The following GPC6 variants were observed in gnomAD, a reference collection of about 807,000 sequenced individuals.
GPC6 encodes glypican-6.
A neutral mutation model predicts 55.2 loss-of-function variants in GPC6; 14 were observed. The observed-to-expected ratio is 0.25, with a 90% CI of 0.17 to 0.40. GPC6 has a LOEUF of 0.40. Among genes scored for constraint, GPC6 ranks in the 10% least tolerant of loss-of-function variants. The pLI, the probability that GPC6 is intolerant of heterozygous loss-of-function variation, is 1.00. For missense variants in GPC6, 641 were observed against 708.5 expected, an observed-to-expected ratio of 0.90 and a Z score of 1.08; for synonymous variants, 278 against 259.6, an observed-to-expected ratio of 1.07 and a Z score of -0.68.
At chr13:94,306,603 T>C (rs903919591) in intron 6 of GPC6, among the ~76,000 whole-genome samples, 2 of 152,216 alleles carry the variant, frequency 1.3e-5, no homozygotes, top group Admixed American at 1.3e-4. Flanking sequence ...TTTTTTCTTT[T>C]TTATGTGTCT....
At chr13:94,090,713 A>G (rs1306392322) in intron 4 of GPC6, among the ~76,000 whole-genome samples, 1 of 152,142 alleles carries the variant, frequency 6.6e-6, no homozygotes, top group Non-Finnish European at 1.5e-5. Context: ...AATGGATATT[A>G]TTATGATGAT....
At chr13:94,215,417 C>T (rs918386000) in intron 4 of GPC6, among the ~76,000 whole-genome samples, 1 of 152,042 alleles carries the variant, frequency 6.6e-6, no homozygotes. Context: ...TAATCATTTC[C>T]TTATGTATAA....
chr13:93,692,651 C>T (rs897339556), intron 2 of GPC6, among the ~76,000 whole-genome samples: 2 of 152,034 alleles, frequency 1.3e-5, no homozygotes, highest in Non-Finnish European at 2.9e-5. Context: ...TATTTTCTCA[C>T]TCTTTTTTCA....
At chr13:93,373,628 C>CA (rs1279023724) in intron 1 of GPC6, among the ~76,000 whole-genome samples, 1 of 151,958 alleles carries the variant, frequency 6.6e-6, no homozygotes, top group East Asian at 1.9e-4. Flanking sequence ...CTCTGTAAAG[C>CA]AAAAAATATA....
At chr13:94,027,623 A>G (rs1882951454) in intron 3 of GPC6, 106 bp from the exon 4 acceptor site, 21 of 969,986 alleles carry the variant, frequency 2.2e-5, no homozygotes, top group Non-Finnish European at 3.4e-5. Context: ...AGTAATTACA[A>G]AGGGTTAAGA....
At chr13:94,068,221 A>G (rs914080258) in intron 4 of GPC6, among the ~76,000 whole-genome samples, 2 of 152,186 alleles carry the variant, frequency 1.3e-5, no homozygotes, top group Non-Finnish European at 2.9e-5. Flanking sequence ...CATGGATGGC[A>G]GCAGGCAAAG....
At chr13:94,000,535 GA>G (rs2140424158) in intron 3 of GPC6, among the ~76,000 whole-genome samples, 1 of 152,208 alleles carries the variant, frequency 6.6e-6, no homozygotes, top group East Asian at 1.9e-4. Flanking sequence ...ATATAGCAAT[GA>G]AGTGTCTCTT....
Position 94,230,418 on chromosome 13 carries a change from C to A in GPC6, c.878-55931C>A, listed in dbSNP as rs527740056. Among the ~76,000 whole-genome samples, 2 of 152,224 alleles carry A rather than the reference C, an allele frequency of 1.3e-5. 1 individual carries two copies. Among genetic ancestry groups the A allele is most frequent in the East Asian group, 3.9e-4 (2 of 5,168 alleles). Reference sequence around the variant, plus strand: ...AGATCTAACTGGGACAATCTGAGGACCCTCCCCACCATTGGTGTTAAGATT... The same window carrying A: ...AGATCTAACTGGGACAATCTGAGGAACCTCCCCACCATTGGTGTTAAGATT... On this transcript the variant is annotated intron_variant, in intron 4 of 8. Transcript: ENST00000377047.
intron 1 of GPC6, among the ~76,000 whole-genome samples, chr13:93,337,658 G>T (rs1022835100): frequency 6.6e-6 from 1 of 152,146 alleles, no homozygotes; most frequent in Non-Finnish European, 1.5e-5. Flanking sequence ...CGACTGAAAT[G>T]ACATCAAATA....
chr13:94,353,301 A>G (rs1336227833), intron 6 of GPC6, among the ~76,000 whole-genome samples: 1 of 152,140 alleles, frequency 6.6e-6, no homozygotes, highest in African/African-American at 2.4e-5. Context: ...CTGGAAACCC[A>G]TTTCATCATT....
intron 4 of GPC6, among the ~76,000 whole-genome samples, chr13:94,030,095 C>T (rs570727241): frequency 2.6e-5 from 4 of 151,894 alleles, no homozygotes; most frequent in South Asian, 2.1e-4. Flanking sequence ...CTCCGCCTCC[C>T]GGGTTCATGC....
chr13:93,490,017 G>A (rs1594207455), intron 1 of GPC6, among the ~76,000 whole-genome samples: 2 of 146,564 alleles, frequency 1.4e-5, no homozygotes, highest in Admixed American at 1.6e-4. Flanking sequence ...GAATAGGAGT[G>A]GTGAGAGAGG....
chr13:93,445,327 G>A (rs1877962562), intron 1 of GPC6, among the ~76,000 whole-genome samples: 3 of 152,152 alleles, frequency 2.0e-5, no homozygotes, highest in South Asian at 2.1e-4. Context: ...GGAGGTTATG[G>A]ATGAAGAGCA....
chr13:93,640,584 T>A (rs9561420), intron 2 of GPC6, among the ~76,000 whole-genome samples: 118,487 of 151,930 alleles, frequency 0.78, 48,689 homozygotes, highest in Non-Finnish European at 0.93. Context: ...GAACTCTCTA[T>A]CAAGAAATGG....
intron 4 of GPC6, among the ~76,000 whole-genome samples, chr13:94,104,794 C>T (rs181102846): frequency 3.3e-5 from 5 of 152,224 alleles, no homozygotes; most frequent in Admixed American, 6.5e-5. Flanking sequence ...GAACTACAAA[C>T]GGCTGCTCAA....
In GPC6 at chr13:93,269,797, G is replaced by A. The variant is rs576511782; in HGVS notation, c.160+42181G>A. 1.4e-3 allele frequency among the ~76,000 whole-genome samples: 208 copies of A among 150,260 alleles called. 1 individual carries two copies. The highest frequency in any genetic ancestry group is 4.8e-3 in the African/African-American group (195 of 40,780). ...AAAAAAAAAAAAAAAAAAATTAACGGGGTGTGGAGGCGTGAACCTGGGAGG... is the reference window on the plus strand; with the variant it reads ...AAAAAAAAAAAAAAAAAAATTAACGAGGTGTGGAGGCGTGAACCTGGGAGG... On this transcript the variant is annotated intron_variant, in intron 1 of 8. Coordinates refer to ENST00000377047, the MANE Select transcript of GPC6 (RefSeq NM_005708.5).
chr13:93,676,544 G>T (rs988877058), intron 2 of GPC6, among the ~76,000 whole-genome samples: 2 of 152,126 alleles, frequency 1.3e-5, no homozygotes, highest in African/African-American at 4.8e-5. Context: ...GGTAGGGACT[G>T]TTGAGAACTA....
At chr13:93,846,366 A>C (rs1246934607) in intron 3 of GPC6, among the ~76,000 whole-genome samples, 1 of 152,196 alleles carries the variant, frequency 6.6e-6, no homozygotes, top group East Asian at 1.9e-4. Context: ...TAAGAAACCT[A>C]AAGCAGAATG....
rs901586870 is a variant in GPC6, at chr13:93,413,397, C to T, written c.161-131866C>T. Among the ~76,000 whole-genome samples the T allele has an allele frequency of 3.9e-5, 6 of 152,090 alleles. No homozygotes were observed. The East Asian group carries it at 1.2e-3, about 29-fold the overall frequency. ...TAACCCTCTGAGTGAACCAATTTCACTAGCATTTTTGACTACCTACTACAT... is the reference window on the plus strand; with the variant it reads ...TAACCCTCTGAGTGAACCAATTTCATTAGCATTTTTGACTACCTACTACAT... On this transcript the variant is annotated intron_variant, in intron 1 of 8. Transcript: ENST00000377047.
Sources: gnomAD v4.1 joint callset for allele counts (sites outside exome capture counted in the v4.1 genomes callset) on GRCh38, gnomAD v4.1.1 for gene constraint, MANE v1.5 for transcripts, NCBI Gene and HGNC (gene_info 2026-07-23, HGNC 2026-07-21) for gene names.